The following CDH13 variants were observed in gnomAD, a reference collection of about 807,000 sequenced individuals.
CDH13 encodes cadherin-13.
Under a neutral mutation model 63.8 loss-of-function variants are expected in CDH13, and 24 were observed. The observed-to-expected ratio is 0.38, with a 90% CI of 0.27 to 0.53. The LOEUF (loss-of-function observed/expected upper bound fraction) is 0.53. CDH13 is among the 20% of genes least tolerant of loss of function. CDH13 has a pLI of 0.85. For synonymous variants in CDH13, 503 were observed against 355.3 expected (o/e 1.42, Z -4.67); for missense variants, 1,049 against 903.1 (o/e 1.16, Z -2.07).
intron 8 of CDH13, among the ~76,000 whole-genome samples, chr16:83,607,553 G>A (rs1440213408): frequency 2.0e-5 from 3 of 152,188 alleles, no homozygotes; most frequent in Non-Finnish European, 4.4e-5. Context: ...CTCAATAACA[G>A]AGCATTTGCT....
chr16:83,095,301 A>G (rs2034138565), intron 3 of CDH13, among the ~76,000 whole-genome samples: 1 of 152,206 alleles, frequency 6.6e-6, no homozygotes, highest in Non-Finnish European at 1.5e-5. Flanking sequence ...GTATATCAAC[A>G]TGGTACTGGT....
In CDH13 at chr16:83,298,208, A is replaced by C. The variant is rs148941812; in HGVS notation, c.637-46654A>C. ...TAGCGAGCAATGATCGCCCCACTGCACTCCAGGCTGGGTGAGAGAGCAAGG... is the reference window on the plus strand; with the variant it reads ...TAGCGAGCAATGATCGCCCCACTGCCCTCCAGGCTGGGTGAGAGAGCAAGG... On this transcript the variant is annotated intron_variant, in intron 5 of 13. Coordinates refer to ENST00000567109, the MANE Select transcript of CDH13 (RefSeq NM_001257.5). 3.0e-3 allele frequency among the ~76,000 whole-genome samples: 459 copies of C among 152,074 alleles called. 2 individuals carry two copies. The highest frequency in any genetic ancestry group is 0.01 in the African/African-American group (431 of 41,482).
intron 9 of CDH13, among the ~76,000 whole-genome samples, chr16:83,676,471 C>A (rs1436469072): frequency 6.6e-6 from 1 of 152,208 alleles, no homozygotes; most frequent in African/African-American, 2.4e-5. Flanking sequence ...CCAAGCATGG[C>A]AGCTCCCTGG....
intron 4 of CDH13, among the ~76,000 whole-genome samples, chr16:83,128,226 G>A (rs769173000): frequency 6.6e-6 from 1 of 152,134 alleles, no homozygotes; most frequent in East Asian, 1.9e-4. Flanking sequence ...TAAAATATCC[G>A]AGGTGATTCA....
chr16:83,650,491 T>C (rs1308970368), intron 8 of CDH13, among the ~76,000 whole-genome samples: 1 of 152,178 alleles, frequency 6.6e-6, no homozygotes, highest in Non-Finnish European at 1.5e-5. Flanking sequence ...GCAACTGTCA[T>C]GTAGGGAGAC....
At chr16:83,021,450 C>T (rs747616772) in intron 2 of CDH13, among the ~76,000 whole-genome samples, 3 of 152,194 alleles carry the variant, frequency 2.0e-5, no homozygotes, top group Non-Finnish European at 2.9e-5. Context: ...GACTGACACA[C>T]ATACAAAACA....
intron 6 of CDH13, among the ~76,000 whole-genome samples, chr16:83,434,856 C>CGTGTGTGT (rs951360129): frequency 1.3e-5 from 1 of 79,944 alleles, no homozygotes; most frequent in African/African-American, 4.8e-5. Context: ...TATGTGTGTG[C>CGTGTGTGT]GTGTGTGTGT....
intron 4 of CDH13, among the ~76,000 whole-genome samples, chr16:83,201,255 A>C (rs1411994639): frequency 6.6e-6 from 1 of 152,186 alleles, no homozygotes; most frequent in African/African-American, 2.4e-5. Context: ...ACAGCAGAGA[A>C]CAAAATGAAA....
chr16:82,787,498 T>G (rs1047230377), intron 1 of CDH13, among the ~76,000 whole-genome samples: 5 of 152,174 alleles, frequency 3.3e-5, no homozygotes, highest in Non-Finnish European at 7.3e-5. Flanking sequence ...TGCAAAAAAA[T>G]GCTGCATTGG....
At chr16:83,320,317 A>T (rs1005190003) in intron 5 of CDH13, among the ~76,000 whole-genome samples, 4 of 151,894 alleles carry the variant, frequency 2.6e-5, no homozygotes, top group Non-Finnish European at 5.9e-5. Context: ...AAGTGCTGGG[A>T]TTACAGATGT....
intron 4 of CDH13, among the ~76,000 whole-genome samples, chr16:83,174,951 C>G (rs541891867): frequency 6.6e-6 from 1 of 152,090 alleles, no homozygotes. Flanking sequence ...CCCCCATGAT[C>G]CAGTCCTCTC....
intron 10 of CDH13, among the ~76,000 whole-genome samples, chr16:83,729,373 C>G (rs773641188): frequency 1.3e-5 from 2 of 152,060 alleles, no homozygotes; most frequent in African/African-American, 4.8e-5. Flanking sequence ...AGGAAATCAT[C>G]TTTGTATTAC....
intron 6 of CDH13, among the ~76,000 whole-genome samples, chr16:83,463,451 G>T (rs781092561): frequency 6.6e-6 from 1 of 152,192 alleles, no homozygotes; most frequent in Non-Finnish European, 1.5e-5. Context: ...GGCAGTGGTT[G>T]TGCAGAGGAA....
chr16:82,661,645 G>A (rs1319899422), intron 1 of CDH13, among the ~76,000 whole-genome samples: 1 of 152,214 alleles, frequency 6.6e-6, no homozygotes, highest in Non-Finnish European at 1.5e-5. Context: ...TGCATATGGA[G>A]GTTCCATGCC....
At chr16:83,211,985 G>A (rs945422623) in intron 4 of CDH13, among the ~76,000 whole-genome samples, 5 of 152,180 alleles carry the variant, frequency 3.3e-5, no homozygotes, top group Non-Finnish European at 2.9e-5. Flanking sequence ...TAACTGTGAA[G>A]CCCTGCTATG....
chr16:83,780,016 A>T lies in CDH13; in HGVS notation c.1730A>T (p.Asp577Val), dbSNP rs1770746743. The change falls in exon 12 of 14, where the codon GAC becomes GTC. Residue 577 changes from aspartate to valine, a missense_variant. Coordinates refer to ENST00000567109, the MANE Select transcript of CDH13 (RefSeq NM_001257.5). Reference protein sequence around the residue: ...GTGTLLITLEDVNDNAPFIYP... With the variant: ...GTGTLLITLEVVNDNAPFIYP... ...GGGACTTTGCTGATAACCCTGGAGG[A>T]CGTGAATGACAATGCCCCGTTCATT... 6.2e-7 allele frequency: 1 copy of T among 1,613,918 alleles called. No homozygotes were observed. The highest frequency in any genetic ancestry group is 8.5e-7 in the Non-Finnish European group (1 of 1,179,824).
chr16:83,230,266 A>G (rs1018352373), intron 5 of CDH13, among the ~76,000 whole-genome samples: 1 of 152,168 alleles, frequency 6.6e-6, no homozygotes, highest in Admixed American at 6.5e-5. Context: ...GGCTCTGGTA[A>G]TTAGCAGGGC....
At chr16:83,347,150 G>C (rs927954147) in intron 6 of CDH13, among the ~76,000 whole-genome samples, 4 of 152,194 alleles carry the variant, frequency 2.6e-5, no homozygotes, top group Admixed American at 6.5e-5. Flanking sequence ...CATGAGGCCA[G>C]TGGGAATCTG....
intron 4 of CDH13, among the ~76,000 whole-genome samples, chr16:83,213,965 G>C (rs2039416535): frequency 6.6e-6 from 1 of 152,096 alleles, no homozygotes; most frequent in South Asian, 2.1e-4. Context: ...TTTGTAAAAT[G>C]GACCAATCAG....
Sources: allele counts gnomAD v4.1 joint callset (sites outside exome capture counted in the v4.1 genomes callset), GRCh38; gene constraint gnomAD v4.1.1; transcripts MANE v1.5; gene names NCBI Gene and HGNC (gene_info 2026-07-23, HGNC 2026-07-21).